Variants in CLDN18 observed in about 807,000 individuals in gnomAD.
CLDN18 encodes claudin-18.
CLDN18 carries 20 observed loss-of-function variants against 25.0 expected under a neutral mutation model. The ratio of observed to expected loss-of-function variants is 0.80; its 90% CI spans 0.56 to 1.16. The LOEUF (loss-of-function observed/expected upper bound fraction) is 1.16, where lower values mean the gene tolerates loss of function less well. CLDN18 is among the 50% of genes most tolerant of loss of function. The probability of loss-of-function intolerance (pLI) is 0.00; values close to 1 mark genes in which losing one functional copy is unlikely to be tolerated. For missense variants in CLDN18, 297 were observed against 345.4 expected, an observed-to-expected ratio of 0.86 and a Z score of 1.11; for synonymous variants, 125 against 135.6, an observed-to-expected ratio of 0.92 and a Z score of 0.54.
upstream of CLDN18, among the ~76,000 whole-genome samples, chr3:138,009,401 G>A (rs1942103864): frequency 6.6e-6 from 1 of 152,180 alleles, no homozygotes. Flanking sequence ...GTGAAAGCAT[G>A]ACATGGAAAT....
At chr3:138,001,609 G>A (rs1033835314) in intron 1 of CLDN18, among the ~76,000 whole-genome samples, 9 of 152,210 alleles carry the variant, frequency 5.9e-5, no homozygotes, top group Admixed American at 3.3e-4. Flanking sequence ...ATCTAAAAAC[G>A]AACCAGATTG....
At position 138,000,166 on chromosome 3, in the gene CLDN18, A is replaced by G. The variant is rs755481748; in HGVS notation, c.220+1078A>G. On this transcript the variant is annotated intron_variant, in intron 1 of 4. Transcript: ENST00000343735. ...CACTTATTTACGGAGAGCTTCCTAT[A>G]ACCTTGGGAATCTGTGGGCCTACCA... Among the ~76,000 whole-genome samples the G allele has an allele frequency of 5.3e-5, 8 of 152,300 alleles. 1 individual carries two copies. In the South Asian group the frequency reaches 6.2e-4, roughly 12 times the overall value.
chr3:138,021,106 T>A (rs1203299218), intron 1 of CLDN18, among the ~76,000 whole-genome samples: 1 of 152,206 alleles, frequency 6.6e-6, no homozygotes, highest in African/African-American at 2.4e-5. Flanking sequence ...CATTTTTGAA[T>A]GTCTGAAAAT....
At chr3:138,025,533 T>C (rs1360586894) in intron 3 of CLDN18, among the ~76,000 whole-genome samples, 1 of 152,128 alleles carries the variant, frequency 6.6e-6, no homozygotes, top group Non-Finnish European at 1.5e-5. Flanking sequence ...CACACCAACA[T>C]GGGGTACAGA....
At chr3:138,026,102 G>A (rs555697378) in intron 3 of CLDN18, among the ~76,000 whole-genome samples, 4 of 152,228 alleles carry the variant, frequency 2.6e-5, no homozygotes, top group South Asian at 2.1e-4. Context: ...TTACAAGACA[G>A]CCCAGCTGCC....
chr3:138,025,369 C>T (rs1026911130), intron 3 of CLDN18, among the ~76,000 whole-genome samples: 1 of 152,134 alleles, frequency 6.6e-6, no homozygotes, highest in African/African-American at 2.4e-5. Context: ...ATACCAACGC[C>T]CATATTCATT....
intron 1 of CLDN18, among the ~76,000 whole-genome samples, chr3:138,001,377 TTC>T (rs1942013979): frequency 2.3e-5 from 1 of 44,156 alleles, no homozygotes; most frequent in Admixed American, 2.3e-4. Flanking sequence ...TATCCCCCCA[TTC>T]TTTTTTTTTT....
chr3:138,008,668 G>A (rs905413887), upstream of CLDN18, among the ~76,000 whole-genome samples: 1 of 152,114 alleles, frequency 6.6e-6, no homozygotes, highest in African/African-American at 2.4e-5. Context: ...AGTCACGCCT[G>A]TAATCCCAGC....
rs113915562 is a variant in CLDN18 at position 138,024,618 on chromosome 3, A to G, written c.397A>G (p.Ile133Val). The G allele has an allele frequency of 8.6e-4, 1,389 of 1,609,564 alleles. 12 individuals are homozygous for G. In the African/African-American group the frequency reaches 0.015, roughly 18 times the overall value. The change falls in exon 3 of 5, where the codon ATT (isoleucine) becomes GTT (valine). Residue 133 changes from isoleucine to valine, a missense_variant. Ile to Val is a conservative substitution (Grantham distance 29). Transcript: ENST00000183605. The part of the protein sequence containing the change: ...IMFIVSGLCA[I>V]AGVSVFANML... Reference sequence around the variant, plus strand: ...TTCTTTGCCCACAGGTCTTTGTGCAATTGCTGGAGTGTCTGTGTTTGCCAA... The same window carrying G: ...TTCTTTGCCCACAGGTCTTTGTGCAGTTGCTGGAGTGTCTGTGTTTGCCAA...
chr3:138,004,580 A>G (rs1942049008), intron 1 of CLDN18: 1 of 152,206 alleles, frequency 6.6e-6, no homozygotes, highest in Non-Finnish European at 1.5e-5. Flanking sequence ...AGATTAATGG[A>G]ATAAAATCTA....
intron 1 of CLDN18, among the ~76,000 whole-genome samples, chr3:138,001,385 T>C (rs548087187): frequency 6.6e-6 from 1 of 151,466 alleles, no homozygotes; most frequent in Admixed American, 6.6e-5. Context: ...CATTCTTTTT[T>C]TTTTTTTTTC....
chr3:138,002,435 G>C (rs1172553829), intron 1 of CLDN18, among the ~76,000 whole-genome samples: 2 of 152,162 alleles, frequency 1.3e-5, no homozygotes, highest in African/African-American at 4.8e-5. Context: ...TTTGAGTTTG[G>C]AGTTCCCCCA....
chr3:138,020,855 T>C (rs1942262765), intron 1 of CLDN18, among the ~76,000 whole-genome samples: 1 of 152,234 alleles, frequency 6.6e-6, no homozygotes, highest in African/African-American at 2.4e-5. Flanking sequence ...ATACAGATCC[T>C]TGTACCTTGA....
chr3:138,013,787 C>T (rs1479221736), intron 1 of CLDN18, among the ~76,000 whole-genome samples: 1 of 152,098 alleles, frequency 6.6e-6, no homozygotes, highest in African/African-American at 2.4e-5. Flanking sequence ...GAAGATATAC[C>T]ATTAATTTAT....
intron 1 of CLDN18, 140 bp downstream of exon 1, chr3:138,010,585 A>T: frequency 8.9e-7 from 1 of 1,122,858 alleles, no homozygotes; most frequent in Admixed American, 2.4e-5. Flanking sequence ...ATAAAAGGAG[A>T]AGCTGGCTCG....
chr3:138,007,240 A>G (rs1489679571), upstream of CLDN18, among the ~76,000 whole-genome samples: 8 of 152,254 alleles, frequency 5.3e-5, no homozygotes, highest in Non-Finnish European at 1.2e-4. Flanking sequence ...ATAAAAGCAC[A>G]TGCACACATA....
intron 1 of CLDN18, among the ~76,000 whole-genome samples, chr3:138,001,775 T>C (rs1424993646): frequency 6.6e-6 from 1 of 152,194 alleles, no homozygotes; most frequent in Non-Finnish European, 1.5e-5. Context: ...TTGCATACCA[T>C]CAAGGTTGAT....
chr3:138,031,056 A>T lies in CLDN18; in HGVS notation c.701A>T (p.Asn234Ile). The T allele has an allele frequency of 6.2e-7, 1 of 1,614,188 alleles. No homozygotes were observed. The highest frequency in any genetic ancestry group is 1.3e-5 in the African/African-American group (1 of 75,064). Residue 234 changes from asparagine to isoleucine, a missense_variant, in exon 5 of 5, where the codon AAC becomes ATC. Coordinates refer to ENST00000183605, the MANE Select transcript of CLDN18 (RefSeq NM_016369.4). ...GFKASTGFGSNTKNKKIYDGG... is the reference protein window; with the variant it reads ...GFKASTGFGSITKNKKIYDGG... ...AAGGCCAGCACTGGCTTTGGGTCCA[A>T]CACCAAAAACAAGAAGATATACGAT... is the stretch of plus-strand genomic sequence containing the variant.
chr3:138,001,354 C>A (rs1396395917), intron 1 of CLDN18, among the ~76,000 whole-genome samples: 1 of 150,536 alleles, frequency 6.6e-6, no homozygotes, highest in Non-Finnish European at 1.5e-5. Context: ...CCTGGACTAA[C>A]AACAGCTGTC....
Sources: allele counts gnomAD v4.1 joint callset (sites outside exome capture counted in the v4.1 genomes callset), GRCh38; gene constraint gnomAD v4.1.1; transcripts MANE v1.5; gene names NCBI Gene and HGNC (gene_info 2026-07-23, HGNC 2026-07-21).